The following SH3KBP1 variants were observed in gnomAD, a reference collection of about 807,000 sequenced individuals.
SH3KBP1 encodes SH3 domain containing kinase binding protein 1.
A neutral mutation model predicts 50.1 loss-of-function variants in SH3KBP1; 8 were observed. That is an observed-to-expected ratio of 0.16 (90% CI 0.09 to 0.29). SH3KBP1 has a LOEUF of 0.29. Ranked by LOEUF, SH3KBP1 falls within the 10% of genes least tolerant of loss-of-function variation. SH3KBP1 has a pLI of 1.00. For missense variants in SH3KBP1, 377 were observed against 535.2 expected (o/e 0.70, Z 2.92); for synonymous variants, 227 against 218.6 (o/e 1.04, Z -0.34).
At chrX:19,602,754 A>G (rs1184504657) in intron 9 of SH3KBP1, among the ~76,000 whole-genome samples, 1 of 112,019 alleles carries the variant, frequency 8.9e-6, no homozygotes, top group African/African-American at 3.2e-5. Flanking sequence ...CCAGGGCTAA[A>G]GGCTAAAGGA....
At chrX:19,744,905 T>G (rs2064871954) in intron 3 of SH3KBP1, among the ~76,000 whole-genome samples, 1 of 112,830 alleles carries the variant, frequency 8.9e-6, no homozygotes, top group Non-Finnish European at 1.9e-5. Context: ...ATTAATTAAT[T>G]ACTTTAAATC....
At chrX:19,555,803 G>A (rs2065470076) in intron 13 of SH3KBP1, among the ~76,000 whole-genome samples, 1 of 111,650 alleles carries the variant, frequency 9.0e-6, no homozygotes, top group South Asian at 3.7e-4. Flanking sequence ...TCCCTTCAGG[G>A]CTTCCTCTCC....
intron 2 of SH3KBP1, among the ~76,000 whole-genome samples, chrX:19,779,029 C>T (rs2066075207): frequency 9.2e-6 from 1 of 109,224 alleles, no homozygotes; most frequent in Non-Finnish European, 1.9e-5. Flanking sequence ...GGTGCAGTGG[C>T]TCACACCTGT....
chrX:19,763,445 T>C (rs2065493232), intron 2 of SH3KBP1, among the ~76,000 whole-genome samples: 1 of 112,627 alleles, frequency 8.9e-6, no homozygotes, highest in Non-Finnish European at 1.9e-5. Context: ...TGTCTTTTTC[T>C]GTGATGAGCT....
rs1491094714 is a variant in SH3KBP1, at chrX:19,878,505, T to TGTGTGTGTGTGTGTGTGAGAGA, written c.4+8801_4+8802insTCTCTCACACACACACACACAC. Among the ~76,000 whole-genome samples the TGTGTGTGTGTGTGTGTGAGAGA allele has an allele frequency of 5.0e-3, 243 of 48,205 alleles. 3 individuals are homozygous for TGTGTGTGTGTGTGTGTGAGAGA. The highest frequency in any genetic ancestry group is 0.013 in the African/African-American group (225 of 16,733). 41.9% of individuals were successfully genotyped at this position (48,205 alleles called of 115,157 possible). A position where few individuals can be genotyped will look rare whatever the true frequency, so the allele number is the denominator to read the frequency against. ...GTGTGTGTGTGTGTGTGTGTGTGTGTGAGAGAGAGAGAGAGAGAGAGAGAG... is the reference window on the plus strand; with the variant it reads ...GTGTGTGTGTGTGTGTGTGTGTGTGTGTGTGTGTGTGTGTGTGAGAGAGAGAGAGAGAGAGAGAGAGAGAGAG... On this transcript the variant is annotated intron_variant, in intron 1 of 17. Transcript: ENST00000397821.
chrX:19,885,369 T>C (rs1230055431), intron 1 of SH3KBP1, among the ~76,000 whole-genome samples: 2 of 111,712 alleles, frequency 1.8e-5, no homozygotes, highest in Non-Finnish European at 3.8e-5. Flanking sequence ...ACTATAAACA[T>C]GAATTAAATT....
intron 12 of SH3KBP1, among the ~76,000 whole-genome samples, chrX:19,577,563 A>G (rs945933867): frequency 3.6e-5 from 4 of 111,396 alleles, no homozygotes; most frequent in African/African-American, 1.3e-4. Flanking sequence ...GCAATGTGGA[A>G]GATGCACCAT....
intron 1 of SH3KBP1, among the ~76,000 whole-genome samples, chrX:19,878,505 T>TGTGTGTGTGTGTGTGTGAGAGAGA (rs1491094714): frequency 6.2e-5 from 3 of 48,249 alleles, no homozygotes; most frequent in African/African-American, 1.2e-4. Context: ...TGTGTGTGTG[T>TGTGTGTGTGTGTGTGTGAGAGAGA]GAGAGAGAGA....
intron 1 of SH3KBP1, among the ~76,000 whole-genome samples, chrX:19,869,669 A>C (rs2068988593): frequency 1.8e-5 from 2 of 112,585 alleles, no homozygotes; most frequent in South Asian, 7.2e-4. Flanking sequence ...GGGATACCAA[A>C]TATTGGCGAG....
At chrX:19,726,851 T>C (rs1166550609) in intron 3 of SH3KBP1, among the ~76,000 whole-genome samples, 1 of 111,903 alleles carries the variant, frequency 8.9e-6, no homozygotes, top group African/African-American at 3.3e-5. Context: ...CTTTTTAGAG[T>C]TAGGAACACT....
chrX:19,753,867 T>C (rs187409246), intron 2 of SH3KBP1, among the ~76,000 whole-genome samples: 2 of 112,424 alleles, frequency 1.8e-5, no homozygotes, highest in African/African-American at 3.2e-5. Context: ...GTATTTGTTA[T>C]ATGCTTTACA....
chrX:19,638,342 G>A (rs191105099), intron 7 of SH3KBP1, among the ~76,000 whole-genome samples: 31 of 105,911 alleles, frequency 2.9e-4, no homozygotes, highest in Admixed American at 2.4e-3. Flanking sequence ...CCCAGGAGGC[G>A]GAGCTTGCAG....
At chrX:19,613,265 G>T (rs1352368579) in intron 8 of SH3KBP1, among the ~76,000 whole-genome samples, 1 of 112,174 alleles carries the variant, frequency 8.9e-6, no homozygotes, top group Non-Finnish European at 1.9e-5. Context: ...ATTACACCAG[G>T]ACCCCAGGCA....
intron 6 of SH3KBP1, among the ~76,000 whole-genome samples, chrX:19,662,284 T>C (rs935354253): frequency 1.7e-4 from 19 of 112,109 alleles, no homozygotes; most frequent in African/African-American, 6.2e-4. Context: ...CCAAATAAAG[T>C]ATTGAGACAT....
At position 19,537,724 on chromosome X, in the gene SH3KBP1, C is replaced by A; in HGVS notation, c.1949G>T (p.Arg650Leu). 2 of 1,210,839 alleles carry A rather than the reference C, an allele frequency of 1.7e-6. No homozygotes were observed. The highest frequency in any genetic ancestry group is 3.0e-5 in the East Asian group (1 of 33,832). ...ELDEEKKIRL[R>L]LQMEVNDIKK... The stretch of plus-strand genomic sequence containing the variant: ...GAACCCAAAGGGACGCACCTGCAAC[C>A]GAAGCCGGATTTTCTTCTCTTCATC... Residue 650 changes from arginine to leucine, a missense_variant, in exon 17 of 18, where the codon CGG (arginine) becomes CTG (leucine). This residue lies in a region of SH3KBP1 where 110 missense variants were observed against 124.1 expected (regional missense o/e 0.89). Transcript: ENST00000397821.
chrX:19,715,102 C>T (rs1047955856), intron 3 of SH3KBP1, among the ~76,000 whole-genome samples: 3 of 110,017 alleles, frequency 2.7e-5, no homozygotes, highest in African/African-American at 6.6e-5. Flanking sequence ...GGCAAAACTT[C>T]GTCTCTATAA....
intron 8 of SH3KBP1, among the ~76,000 whole-genome samples, chrX:19,623,230 C>T (rs1488511039): frequency 9.0e-6 from 1 of 110,870 alleles, no homozygotes; most frequent in Non-Finnish European, 1.9e-5. Context: ...ATTATGTGCA[C>T]ATATGGAAAA....
chrX:19,714,981 G>GA (rs1376236484), intron 3 of SH3KBP1, among the ~76,000 whole-genome samples: 1 of 111,317 alleles, frequency 9.0e-6, no homozygotes, highest in East Asian at 2.8e-4. Context: ...ACCGTTTAAG[G>GA]AAAAAAATCA....
At chrX:19,579,108 C>T (rs1452271998) in intron 12 of SH3KBP1, among the ~76,000 whole-genome samples, 5 of 112,069 alleles carry the variant, frequency 4.5e-5, no homozygotes, top group African/African-American at 9.7e-5. Context: ...TTGCATCGTG[C>T]GTCCTTGTCT....
Sources: allele counts gnomAD v4.1 joint callset (sites outside exome capture counted in the v4.1 genomes callset), GRCh38; gene constraint gnomAD v4.1.1; regional missense constraint gnomAD v4.1.1; transcripts MANE v1.5; gene names NCBI Gene and HGNC (gene_info 2026-07-23, HGNC 2026-07-21).